FSTL5: variants seen among roughly 807,000 people sequenced by gnomAD.
FSTL5 encodes follistatin-related protein 5.
Under a neutral mutation model 89.1 loss-of-function variants are expected in FSTL5, and 62 were observed. That is an observed-to-expected ratio of 0.70 (90% CI 0.57 to 0.86). The LOEUF (loss-of-function observed/expected upper bound fraction) is 0.86. Among genes scored for constraint, FSTL5 ranks in the 40% least tolerant of loss-of-function variants. FSTL5 has a pLI of 0.00. For synonymous variants in FSTL5, 383 were observed against 346.2 expected (o/e 1.11, Z -1.18); for missense variants, 1,057 against 1,001.6 (o/e 1.06, Z -0.75).
intron 2 of FSTL5, among the ~76,000 whole-genome samples, chr4:162,094,611 T>C (rs1263966044): frequency 6.6e-6 from 1 of 152,064 alleles, no homozygotes; most frequent in Non-Finnish European, 1.5e-5. Flanking sequence ...ACAACAGACA[T>C]GAAAGAATAC....
chr4:161,554,048 A>C (rs1732304447), intron 8 of FSTL5, among the ~76,000 whole-genome samples: 1 of 151,606 alleles, frequency 6.6e-6, no homozygotes, highest in Admixed American at 6.6e-5. Flanking sequence ...TTAACATTAC[A>C]CAAATTTAGA....
At chr4:162,109,117 T>A (rs1052101145) in intron 2 of FSTL5, among the ~76,000 whole-genome samples, 1 of 152,016 alleles carries the variant, frequency 6.6e-6, no homozygotes, top group Non-Finnish European at 1.5e-5. Context: ...ATGGACCCAG[T>A]GGGTTCATAA....
chr4:161,429,897 G>A, intron 15 of FSTL5, among the ~76,000 whole-genome samples: 1 of 151,988 alleles, frequency 6.6e-6, no homozygotes, highest in East Asian at 1.9e-4. Flanking sequence ...AACTAAATAA[G>A]TCACCTGGGA....
intron 3 of FSTL5, among the ~76,000 whole-genome samples, chr4:162,003,025 T>G (rs1445759459): frequency 2.6e-5 from 4 of 151,972 alleles, no homozygotes; most frequent in Admixed American, 1.3e-4. Flanking sequence ...GCGCCTCTAG[T>G]CCCAGCTACT....
At chr4:162,011,344 T>C (rs1013898864) in intron 3 of FSTL5, among the ~76,000 whole-genome samples, 1 of 152,136 alleles carries the variant, frequency 6.6e-6, no homozygotes, top group African/African-American at 2.4e-5. Flanking sequence ...CAAGATCAGA[T>C]TTCCCAAAGC....
chr4:161,670,299 T>C (rs1039400582), intron 6 of FSTL5, among the ~76,000 whole-genome samples: 7 of 152,184 alleles, frequency 4.6e-5, no homozygotes, highest in African/African-American at 1.2e-4. Flanking sequence ...TGTTAACAAA[T>C]GTGTTCAGTG....
chr4:161,948,398 G>T (rs13141256), intron 3 of FSTL5, among the ~76,000 whole-genome samples: 49,144 of 150,586 alleles, frequency 0.33, 9,665 homozygotes, highest in Non-Finnish European at 0.43. Context: ...CAGGTGGAGA[G>T]AAATGTTTTC....
At chr4:161,990,240 C>T (rs376099055) in intron 3 of FSTL5, among the ~76,000 whole-genome samples, 1 of 151,966 alleles carries the variant, frequency 6.6e-6, no homozygotes, top group East Asian at 1.9e-4. Context: ...TATGATTTCC[C>T]TCATATCACA....
At chr4:161,979,301 G>A (rs1192989614) in intron 3 of FSTL5, among the ~76,000 whole-genome samples, 1 of 152,084 alleles carries the variant, frequency 6.6e-6, no homozygotes, top group Admixed American at 6.6e-5. Flanking sequence ...TTTGCAGCCT[G>A]GAGTAAATCA....
chr4:161,988,642 T>A (rs1736028879), intron 3 of FSTL5, among the ~76,000 whole-genome samples: 2 of 152,096 alleles, frequency 1.3e-5, no homozygotes, highest in African/African-American at 4.8e-5. Flanking sequence ...AAATTGAAAA[T>A]GTATTTACGC....
At chr4:162,066,369 T>TTCTTCTTCTTCTTCTTCC (rs1322874779) in intron 2 of FSTL5, among the ~76,000 whole-genome samples, 2 of 137,620 alleles carry the variant, frequency 1.5e-5, no homozygotes, top group African/African-American at 5.3e-5. Flanking sequence ...CTTCTTCTTC[T>TTCTTCTTCTTCTTCTTCC]TCTCCTTCTT....
At chr4:161,441,876 T>C (rs1732773317) in intron 15 of FSTL5, among the ~76,000 whole-genome samples, 1 of 152,090 alleles carries the variant, frequency 6.6e-6, no homozygotes, top group Non-Finnish European at 1.5e-5. Context: ...AGTTAAGCCA[T>C]GGAGGCAACC....
At chr4:161,767,987 T>C (rs1428584499) in intron 5 of FSTL5, among the ~76,000 whole-genome samples, 2 of 152,164 alleles carry the variant, frequency 1.3e-5, no homozygotes, top group Non-Finnish European at 2.9e-5. Flanking sequence ...TTCTGTTCTA[T>C]TCCTGCAAGA....
intron 4 of FSTL5, among the ~76,000 whole-genome samples, chr4:161,855,494 T>C (rs1432226035): frequency 6.6e-6 from 1 of 152,050 alleles, no homozygotes; most frequent in African/African-American, 2.4e-5. Context: ...GAAATTCAGA[T>C]AAAGACAGAA....
chr4:161,921,555 ATATT>A (rs1733996638), intron 3 of FSTL5, among the ~76,000 whole-genome samples: 1 of 152,158 alleles, frequency 6.6e-6, no homozygotes, highest in Non-Finnish European at 1.5e-5. Flanking sequence ...ATTTGTATAT[ATATT>A]TAGCATCAAT....
Position 161,987,485 on chromosome 4 carries a change from T to TATATAC in FSTL5, c.160+46139_160+46140insGTATAT, listed in dbSNP as rs984214889. On this transcript the variant is annotated intron_variant, in intron 3 of 15. Coordinates refer to ENST00000306100, the MANE Select transcript of FSTL5 (RefSeq NM_020116.5). ...ATATATATATGTATATATATATATATACATACATATATAAAAAATAAATTT... is the reference window on the plus strand; with the variant it reads ...ATATATATATGTATATATATATATATATATACACATACATATATAAAAAATAAATTT... 3.1e-3 allele frequency among the ~76,000 whole-genome samples: 443 copies of TATATAC among 143,590 alleles called. 4 individuals are homozygous for TATATAC. Among genetic ancestry groups the TATATAC allele is most frequent in the African/African-American group, 0.011 (399 of 37,766 alleles). 94.2% of individuals were successfully genotyped at this position (143,590 alleles called of 152,430 possible). A position where few individuals can be genotyped will look rare whatever the true frequency, so the allele number is the denominator to read the frequency against.
chr4:161,517,643 A>G (rs1234033861), intron 10 of FSTL5, among the ~76,000 whole-genome samples: 2 of 152,222 alleles, frequency 1.3e-5, no homozygotes, highest in Non-Finnish European at 2.9e-5. Context: ...GCAATAAGGT[A>G]GTTACCTACA....
chr4:161,827,757 A>T (rs111351566), intron 4 of FSTL5, among the ~76,000 whole-genome samples: 1,920 of 152,188 alleles, frequency 0.013, 35 homozygotes, highest in African/African-American at 0.043. Flanking sequence ...TACAGGCCTC[A>T]CCCAGCTCCC....
chr4:161,585,737 C>T (rs540701719), intron 8 of FSTL5, among the ~76,000 whole-genome samples: 1 of 152,130 alleles, frequency 6.6e-6, no homozygotes, highest in South Asian at 2.1e-4. Context: ...GAGGACCAGA[C>T]ATGCAAGAAC....
Sources: allele counts gnomAD v4.1 joint callset (sites outside exome capture counted in the v4.1 genomes callset), GRCh38; gene constraint gnomAD v4.1.1; transcripts MANE v1.5; gene names NCBI Gene and HGNC (gene_info 2026-07-23, HGNC 2026-07-21).